Variants in CHST11 observed in about 807,000 individuals in gnomAD.
CHST11 encodes the protein carbohydrate sulfotransferase 11, also known as C4S-1.
In CHST11, 9 loss-of-function variants were observed where a neutral mutation model predicts 30.4. The ratio of observed to expected loss-of-function variants is 0.30; its 90% confidence interval spans 0.18 to 0.52. The LOEUF is 0.52. Ranked by LOEUF, CHST11 falls within the 20% of genes least tolerant of loss-of-function variation. The pLI, the probability that CHST11 is intolerant of heterozygous loss-of-function variation, is 0.97. For missense variants in CHST11, 348 were observed against 460.6 expected (o/e 0.76, Z 2.24); for synonymous variants, 152 against 187.8 (o/e 0.81, Z 1.56).
intron 2 of CHST11, among the ~76,000 whole-genome samples, chr12:104,709,267 T>C (rs1435563705): frequency 2.0e-5 from 3 of 152,094 alleles, no homozygotes; most frequent in Non-Finnish European, 2.9e-5. Flanking sequence ...ACACCCAGGG[T>C]TCGCTCCAGG....
chr12:104,719,455 T>C (rs1461536354), intron 2 of CHST11, among the ~76,000 whole-genome samples: 1 of 152,196 alleles, frequency 6.6e-6, no homozygotes, highest in Admixed American at 6.5e-5. Context: ...CTTCACTCTG[T>C]CTCTCTCGTG....
intron 1 of CHST11, among the ~76,000 whole-genome samples, chr12:104,498,183 G>C (rs1479965863): frequency 6.6e-6 from 1 of 152,018 alleles, no homozygotes; most frequent in Non-Finnish European, 1.5e-5. Context: ...GCCTCCCAAA[G>C]TGCTGTGAGC....
intron 2 of CHST11, among the ~76,000 whole-genome samples, chr12:104,607,610 G>T (rs976083371): frequency 3.3e-5 from 5 of 152,166 alleles, no homozygotes; most frequent in South Asian, 2.1e-4. Flanking sequence ...TTAAAGAAGA[G>T]AGACAGCATC....
chr12:104,648,892 A>T (rs2136080586), intron 2 of CHST11, among the ~76,000 whole-genome samples: 1 of 152,336 alleles, frequency 6.6e-6, no homozygotes, highest in South Asian at 2.1e-4. Context: ...AACAGAGATG[A>T]GCCATTGTCA....
chr12:104,573,748 A>G (rs1021077834), intron 1 of CHST11, among the ~76,000 whole-genome samples: 3 of 152,260 alleles, frequency 2.0e-5, no homozygotes, highest in East Asian at 3.8e-4. Context: ...ACCTAAAACC[A>G]TAAAAACCCT....
chr12:104,734,206 C>A (rs2136134493), intron 2 of CHST11, among the ~76,000 whole-genome samples: 1 of 152,352 alleles, frequency 6.6e-6, no homozygotes, highest in Non-Finnish European at 1.5e-5. Flanking sequence ...AGTGGACGTG[C>A]TTTTCTGTTT....
At chr12:104,465,654 A>C (rs1473471854) in intron 1 of CHST11, among the ~76,000 whole-genome samples, 2 of 152,170 alleles carry the variant, frequency 1.3e-5, no homozygotes, top group East Asian at 1.9e-4. Context: ...ACATTTAAAG[A>C]GTAAATAATT....
intron 2 of CHST11, among the ~76,000 whole-genome samples, chr12:104,639,087 T>C (rs1179597301): frequency 6.6e-6 from 1 of 152,242 alleles, no homozygotes; most frequent in African/African-American, 2.4e-5. Context: ...TGCATGTGCC[T>C]TTCCATGACC....
intron 2 of CHST11, among the ~76,000 whole-genome samples, chr12:104,747,549 GA>G (rs2040398004): frequency 1.3e-5 from 2 of 152,088 alleles, no homozygotes; most frequent in Non-Finnish European, 2.9e-5. Flanking sequence ...TCCTCTGCCA[GA>G]AAGAAACGTC....
At chr12:104,475,688 A>ATATATATATTTATT (rs1555226434) in intron 1 of CHST11, among the ~76,000 whole-genome samples, 23 of 78,464 alleles carry the variant, frequency 2.9e-4, no homozygotes, top group Non-Finnish European at 4.6e-4. Flanking sequence ...ATATATATAT[A>ATATATATATTTATT]TATTTCTGAT....
intron 2 of CHST11, among the ~76,000 whole-genome samples, chr12:104,737,925 G>A (rs1446707388): frequency 6.6e-6 from 1 of 152,094 alleles, no homozygotes; most frequent in Admixed American, 6.5e-5. Flanking sequence ...CTGGAGCCAA[G>A]AGGCCTCCCT....
At chr12:104,692,222 G>T (rs918501957) in intron 2 of CHST11, among the ~76,000 whole-genome samples, 3 of 152,174 alleles carry the variant, frequency 2.0e-5, no homozygotes, top group Admixed American at 1.3e-4. Flanking sequence ...CTCAGAGCGT[G>T]CAGCCCACGA....
At chr12:104,500,168 C>T (rs1367120840) in intron 1 of CHST11, among the ~76,000 whole-genome samples, 10 of 152,182 alleles carry the variant, frequency 6.6e-5, no homozygotes, top group African/African-American at 9.7e-5. Flanking sequence ...CTCCATAAAA[C>T]GTTGCTCTTG....
chr12:104,548,925 C>T (rs1388594169), intron 1 of CHST11, among the ~76,000 whole-genome samples: 4 of 152,206 alleles, frequency 2.6e-5, no homozygotes, highest in African/African-American at 7.2e-5. Context: ...GGCTCCTTAT[C>T]ATCAAAATTC....
At chr12:104,574,394 A>G (rs1167654315) in intron 1 of CHST11, among the ~76,000 whole-genome samples, 3 of 152,238 alleles carry the variant, frequency 2.0e-5, no homozygotes, top group Non-Finnish European at 2.9e-5. Flanking sequence ...TCATGCTGCT[A>G]TAAAGACACA....
Position 104,761,437 on chromosome 12 carries a change from T to G in CHST11, c.*3634T>G, listed in dbSNP as rs2040524059. The G allele has an allele frequency of 6.7e-6, 1 of 150,352 alleles. No homozygotes were observed. The highest frequency in any genetic ancestry group is 6.7e-5 in the Admixed American group (1 of 14,962). The allele number at this position is 150,352 out of a possible 1,614,324, so 9.3% of individuals were successfully genotyped here. On this transcript the variant is annotated 3_prime_UTR_variant, in exon 3 of 3. Coordinates refer to ENST00000303694, the MANE Select transcript of CHST11 (RefSeq NM_018413.6). ...GTTGGCAGAAGAAGCAGAGGCACTC[T>G]GCTTGCTTTCCTAGCCAGTCCTCCC...
At chr12:104,672,290 G>A (rs926700890) in intron 2 of CHST11, among the ~76,000 whole-genome samples, 5 of 152,032 alleles carry the variant, frequency 3.3e-5, no homozygotes, top group South Asian at 2.1e-4. Context: ...GTAATGGCTC[G>A]TGTGAGTGAT....
Position 104,731,093 on chromosome 12 carries a change from T to G in CHST11, c.205-25856T>G, listed in dbSNP as rs576526880. On this transcript the variant is annotated intron_variant, in intron 2 of 2. Transcript: ENST00000303694. The stretch of plus-strand genomic sequence containing the variant: ...TCCTGGCTGCCAGCTCCATTTCATC[T>G]TGTTTATCTGTGTGCCTTGACATTG... Among the ~76,000 whole-genome samples, 3 of 152,362 alleles carry G rather than the reference T, an allele frequency of 2.0e-5. No individual in the cohort carries two copies. In the East Asian group the frequency reaches 5.8e-4, roughly 29 times the overall value.
chr12:104,696,077 C>T (rs1001417250), intron 2 of CHST11, among the ~76,000 whole-genome samples: 1 of 152,138 alleles, frequency 6.6e-6, no homozygotes, highest in Non-Finnish European at 1.5e-5. Context: ...CATTAAACCC[C>T]AGGGGAGCCT....
Sources: gnomAD v4.1 joint callset for allele counts (sites outside exome capture counted in the v4.1 genomes callset) on GRCh38, gnomAD v4.1.1 for gene constraint, MANE v1.5 for transcripts, NCBI Gene and HGNC (gene_info 2026-07-23, HGNC 2026-07-21) for gene names.